Variants in PPIP5K1 observed in about 807,000 individuals in gnomAD.
PPIP5K1 encodes the protein inositol hexakisphosphate and diphosphoinositol-pentakisphosphate kinase 1.
In PPIP5K1, 6 loss-of-function variants were observed where a neutral mutation model predicts 27.7. That is an observed-to-expected ratio of 0.22 (90% CI 0.12 to 0.43). The LOEUF (loss-of-function observed/expected upper bound fraction) is 0.43, where lower values mean the gene tolerates loss of function less well. Among genes scored for constraint, PPIP5K1 ranks in the 20% least tolerant of loss-of-function variants. The pLI, the probability that PPIP5K1 is intolerant of heterozygous loss-of-function variation, is 1.00. For missense variants in PPIP5K1, 394 were observed against 635.4 expected, an observed-to-expected ratio of 0.62 and a Z score of 4.08; for synonymous variants, 145 against 242.6, an observed-to-expected ratio of 0.60 and a Z score of 3.74.
chr15:43,542,886 G>A (rs1273028595), intron 30 of PPIP5K1, among the ~76,000 whole-genome samples: 1 of 151,946 alleles, frequency 6.6e-6, no homozygotes, highest in Non-Finnish European at 1.5e-5. Context: ...TAGCTATGTT[G>A]CCCAGGCTGG....
intron 30 of PPIP5K1, among the ~76,000 whole-genome samples, chr15:43,551,846 G>A (rs530619198): frequency 7.2e-5 from 11 of 151,986 alleles, no homozygotes; most frequent in Admixed American, 5.9e-4. Flanking sequence ...CTCGTGATCC[G>A]CCCATCTCGA....
chr15:43,547,328 C>G (rs548888387), intron 30 of PPIP5K1, among the ~76,000 whole-genome samples: 2 of 152,026 alleles, frequency 1.3e-5, no homozygotes, highest in African/African-American at 2.4e-5. Flanking sequence ...TGTTATTTTA[C>G]TTTTTGATAA....
intron 30 of PPIP5K1, among the ~76,000 whole-genome samples, chr15:43,552,197 C>T (rs1415286132): frequency 6.6e-6 from 1 of 152,120 alleles, no homozygotes; most frequent in Non-Finnish European, 1.5e-5. Context: ...TCAAGCAATC[C>T]TCCCACTTTG....
Position 43,535,207 on chromosome 15 carries a change from G to T in PPIP5K1, c.3940C>A (p.Pro1314Thr), listed in dbSNP as rs775148161. 33 of 1,614,186 alleles carry T rather than the reference G, an allele frequency of 2.0e-5. No homozygotes were observed. The Middle Eastern group carries it at 4.9e-4, about 24-fold the overall frequency. The change falls in exon 32 of 32, where the codon CCA becomes ACA. Residue 1314 changes from proline (P) to threonine (T), a missense_variant. By Grantham distance (38) the Pro-to-Thr change is conservative. Coordinates refer to ENST00000420765, the MANE Select transcript of PPIP5K1 (RefSeq NM_001394395.1). ...TSQPYEEVSQ[P>T]CQEVPDISQP... Reference sequence around the variant, plus strand: ...CTGATGTCAGGGACCTCCTGACATGGCTGGCTGACCTCCTCGTATGGCTGG... The same window carrying T: ...CTGATGTCAGGGACCTCCTGACATGTCTGGCTGACCTCCTCGTATGGCTGG...
intron 31 of PPIP5K1, among the ~76,000 whole-genome samples, chr15:43,538,141 A>G (rs2080157827): frequency 6.6e-6 from 1 of 152,202 alleles, no homozygotes; most frequent in Non-Finnish European, 1.5e-5. Context: ...AGGATGCCAG[A>G]AAAAGGGCAA....
At chr15:43,551,606 G>GTTTTTTTTT (rs1293557795) in intron 30 of PPIP5K1, among the ~76,000 whole-genome samples, 3 of 105,460 alleles carry the variant, frequency 2.8e-5, no homozygotes, top group African/African-American at 5.2e-5. Context: ...TCTTGATTCA[G>GTTTTTTTTT]TTTTTTTTTT....
chr15:43,549,056 A>AAAAAT (rs1567039538), intron 30 of PPIP5K1, among the ~76,000 whole-genome samples: 6 of 54,292 alleles, frequency 1.1e-4, no homozygotes, highest in Admixed American at 2.6e-4. Context: ...AAAAAAAAAA[A>AAAAAT]ATATATATAT....
At chr15:43,552,635 A>AG (rs1314713968) in intron 30 of PPIP5K1, among the ~76,000 whole-genome samples, 1 of 150,770 alleles carries the variant, frequency 6.6e-6, no homozygotes. Context: ...CTGGAGGTCG[A>AG]GGTTGCACTG....
At position 43,535,257 on chromosome 15, in the gene PPIP5K1, G is replaced by C. The variant is rs781399630; in HGVS notation, c.3890C>G (p.Pro1297Arg). The C allele has an allele frequency of 6.2e-7, 1 of 1,614,156 alleles. No individual in the cohort carries two copies. Among genetic ancestry groups the C allele is most frequent in the Admixed American group, 1.7e-5 (1 of 60,024 alleles). The change falls in exon 32 of 32, where the codon CCA (proline) becomes CGA (arginine). Residue 1297 changes from proline to arginine, a missense_variant. This residue lies in a region of PPIP5K1 where 379 missense variants were observed against 423.9 expected (regional missense o/e 0.89). Coordinates refer to ENST00000420765, the MANE Select transcript of PPIP5K1 (RefSeq NM_001394395.1). ...EQELFEPNQS[P>R]QVPPMETSQP... ...GCTGGTTTCCATAGGTGGCACCTGT[G>C]GGGACTGATTTGGTTCAAAAAGCTC...
Position 43,534,999 on chromosome 15 carries a change from T to C in PPIP5K1, c.4148A>G (p.Gln1383Arg), listed in dbSNP as rs773230740. 1.4e-5 allele frequency: 22 copies of C among 1,613,312 alleles called. No individual in the cohort carries two copies. The Middle Eastern group carries it at 6.6e-4, about 48-fold the overall frequency. Residue 1383 changes from glutamine to arginine, a missense_variant, in exon 32 of 32, where the codon CAG becomes CGG. Gln to Arg is a conservative substitution (Grantham distance 43, BLOSUM62 1). Around this residue, in one of 4 missense-constraint regions of PPIP5K1, gnomAD observed 379 missense variants for 423.9 expected, o/e 0.89. Transcript: ENST00000420765. Reference sequence around the variant, plus strand: ...CTCCTCGGAGTTCTCCAGACATAGCTGGCAAACTTCCTCAGAGACTTTCTG... The same window carrying C: ...CTCCTCGGAGTTCTCCAGACATAGCCGGCAAACTTCCTCAGAGACTTTCTG... The part of the protein sequence containing the change: ...LCQKVSEEVC[Q>R]LCLENSEEVS...
At chr15:43,551,128 G>A (rs1217042427) in intron 30 of PPIP5K1, among the ~76,000 whole-genome samples, 1 of 152,192 alleles carries the variant, frequency 6.6e-6, no homozygotes, top group Non-Finnish European at 1.5e-5. Flanking sequence ...TTTTGGAAGA[G>A]CGTGAGTAGA....
chr15:43,546,179 T>C (rs1446072721), intron 30 of PPIP5K1, among the ~76,000 whole-genome samples: 1 of 152,232 alleles, frequency 6.6e-6, no homozygotes, highest in Non-Finnish European at 1.5e-5. Context: ...TGGCATAATG[T>C]TTTTAAGGTT....
intron 30 of PPIP5K1, among the ~76,000 whole-genome samples, chr15:43,557,847 T>A (rs1363141080): frequency 6.7e-6 from 1 of 149,640 alleles, no homozygotes; most frequent in Non-Finnish European, 1.5e-5. Context: ...TTTTTTTTTT[T>A]TCTGGAGAGA....
At chr15:43,536,370 A>C (rs2079859591) in intron 31 of PPIP5K1, 1 of 212,764 alleles carries the variant, frequency 4.7e-6, no homozygotes, top group African/African-American at 2.4e-5. Flanking sequence ...AGTGAGCCGA[A>C]ATTGTGCCAC....
At chr15:43,565,850 T>C (rs2084130651) in intron 26 of PPIP5K1, among the ~76,000 whole-genome samples, 1 of 27,468 alleles carries the variant, frequency 3.6e-5, no homozygotes, top group Admixed American at 4.4e-4. Context: ...GCCCCCTGCC[T>C]CATTGAATTT....
At chr15:43,542,837 A>G (rs2080941141) in intron 30 of PPIP5K1, among the ~76,000 whole-genome samples, 1 of 151,806 alleles carries the variant, frequency 6.6e-6, no homozygotes, top group African/African-American at 2.4e-5. Flanking sequence ...GTGTGCCATC[A>G]TGCCTGGCTA....
At chr15:43,540,763 G>A (rs1291581098) in intron 30 of PPIP5K1, among the ~76,000 whole-genome samples, 1 of 150,710 alleles carries the variant, frequency 6.6e-6, no homozygotes, top group Non-Finnish European at 1.5e-5. Flanking sequence ...GGGAGGCTGA[G>A]GCATGAGAAT....
At chr15:43,535,695 A>G (rs2079749764) in intron 31 of PPIP5K1, among the ~76,000 whole-genome samples, 1 of 152,218 alleles carries the variant, frequency 6.6e-6, no homozygotes, top group Non-Finnish European at 1.5e-5. Flanking sequence ...AATAAGGTAC[A>G]TCTAAGACTT....
intron 30 of PPIP5K1, among the ~76,000 whole-genome samples, chr15:43,545,092 G>T (rs2081203475): frequency 6.6e-6 from 1 of 151,622 alleles, no homozygotes; most frequent in Non-Finnish European, 1.5e-5. Flanking sequence ...GCAAGAGAAT[G>T]ACGTGAACCC....
Sources: gnomAD v4.1 joint callset for allele counts (sites outside exome capture counted in the v4.1 genomes callset) on GRCh38, gnomAD v4.1.1 for gene constraint, gnomAD v4.1.1 regional missense constraint, MANE v1.5 for transcripts, NCBI Gene and HGNC (gene_info 2026-07-23, HGNC 2026-07-21) for gene names.